The following SLC4A10 variants were observed in gnomAD, a reference collection of about 807,000 sequenced individuals.
SLC4A10 encodes sodium-driven chloride bicarbonate exchanger.
In SLC4A10, 42 loss-of-function variants were observed where a neutral mutation model predicts 137.7. The observed-to-expected ratio is 0.30, with a 90% CI of 0.24 to 0.39. The LOEUF (loss-of-function observed/expected upper bound fraction) is 0.39. Among genes scored for constraint, SLC4A10 ranks in the 10% least tolerant of loss-of-function variants. The pLI is 1.00. For missense variants in SLC4A10, 925 were observed against 1,355.0 expected, an observed-to-expected ratio of 0.68 and a Z score of 4.98; for synonymous variants, 474 against 464.1, an observed-to-expected ratio of 1.02 and a Z score of -0.27.
intron 3 of SLC4A10, among the ~76,000 whole-genome samples, chr2:161,808,009 G>C (rs938059580): frequency 6.6e-6 from 1 of 151,972 alleles, no homozygotes. Flanking sequence ...TTGCTCTACA[G>C]TTAATTTGGA....
At chr2:161,763,300 G>A (rs555425391) in intron 1 of SLC4A10, among the ~76,000 whole-genome samples, 3 of 152,104 alleles carry the variant, frequency 2.0e-5, no homozygotes, top group African/African-American at 7.2e-5. Context: ...ACAATTTGGA[G>A]CCATGGAGTT....
rs956436141 is a variant in SLC4A10, at chr2:161,984,911, T to G, written c.*1759T>G. 3 of 152,072 alleles carry G rather than the reference T, an allele frequency of 2.0e-5. No individual in the cohort carries two copies. The highest frequency in any genetic ancestry group is 7.2e-5 in the African/African-American group (3 of 41,452). 9.4% of individuals were successfully genotyped at this position (152,072 alleles called of 1,614,324 possible). On this transcript the variant is annotated 3_prime_UTR_variant, in exon 27 of 27. Coordinates refer to ENST00000446997, the MANE Select transcript of SLC4A10 (RefSeq NM_001178015.2). ...TGTTTTAATATATTAATAACTGTTT[T>G]GTTAAAAATGATCATAGTGAATTTA... is the stretch of plus-strand genomic sequence containing the variant.
chr2:161,680,918 G>T (rs2040785921), intron 1 of SLC4A10, among the ~76,000 whole-genome samples: 1 of 152,070 alleles, frequency 6.6e-6, no homozygotes, highest in Non-Finnish European at 1.5e-5. Flanking sequence ...TAATGACAGT[G>T]CAGTTACAGA....
At chr2:161,961,263 A>T (rs981488020) in intron 21 of SLC4A10, among the ~76,000 whole-genome samples, 1 of 152,166 alleles carries the variant, frequency 6.6e-6, no homozygotes, top group Non-Finnish European at 1.5e-5. Context: ...AGGCCTTAAG[A>T]CAATACTGGC....
chr2:161,639,903 C>CTAGAACATAA (rs2035033295), intron 1 of SLC4A10, among the ~76,000 whole-genome samples: 1 of 152,064 alleles, frequency 6.6e-6, no homozygotes, highest in Non-Finnish European at 1.5e-5. Flanking sequence ...ACTGTTAGAG[C>CTAGAACATAA]TAGAACATAA....
chr2:161,770,550 A>G (rs756854211), intron 1 of SLC4A10, among the ~76,000 whole-genome samples: 2 of 152,014 alleles, frequency 1.3e-5, no homozygotes, highest in Middle Eastern at 3.4e-3. Flanking sequence ...TGACAGTGGA[A>G]TTATTTTACC....
intron 20 of SLC4A10, among the ~76,000 whole-genome samples, chr2:161,958,082 T>A (rs892076314): frequency 2.8e-5 from 4 of 142,600 alleles, no homozygotes; most frequent in African/African-American, 1.0e-4. Context: ...AGGAAACACA[T>A]CTAAATGTTA....
At chr2:161,905,466 GC>G (rs1684142632) in intron 14 of SLC4A10, among the ~76,000 whole-genome samples, 175 bp from the exon 15 acceptor site, 3 of 152,194 alleles carry the variant, frequency 2.0e-5, no homozygotes, top group Admixed American at 2.0e-4. Flanking sequence ...TTCATAACAG[GC>G]CATGGACCAG....
intron 4 of SLC4A10, among the ~76,000 whole-genome samples, chr2:161,851,367 G>C (rs752392306): frequency 4.6e-5 from 7 of 152,110 alleles, no homozygotes; most frequent in Non-Finnish European, 1.0e-4. Flanking sequence ...AAGTCTCTAA[G>C]AACTTGTTTT....
chr2:161,747,138 A>G (rs924115606), intron 1 of SLC4A10, among the ~76,000 whole-genome samples: 4 of 152,080 alleles, frequency 2.6e-5, no homozygotes, highest in Admixed American at 2.0e-4. Flanking sequence ...TTGCTTAGGA[A>G]TTGCAGCCCT....
At chr2:161,817,054 C>A (rs1193693237) in intron 3 of SLC4A10, among the ~76,000 whole-genome samples, 2 of 152,194 alleles carry the variant, frequency 1.3e-5, no homozygotes, top group Non-Finnish European at 2.9e-5. Flanking sequence ...GGAATCGCCA[C>A]ACTGACTTTC....
At chr2:161,824,500 T>C (rs759949836) in intron 3 of SLC4A10, among the ~76,000 whole-genome samples, 21 of 151,806 alleles carry the variant, frequency 1.4e-4, no homozygotes, top group Non-Finnish European at 2.6e-4. Flanking sequence ...AAGGTGGGGG[T>C]AAAAGGTATC....
chr2:161,678,658 A>G (rs2040520642), intron 1 of SLC4A10, among the ~76,000 whole-genome samples: 1 of 152,028 alleles, frequency 6.6e-6, no homozygotes, highest in South Asian at 2.1e-4. Context: ...CATTATTCCA[A>G]TGTCTATTAC....
At chr2:161,714,504 A>G (rs540478814) in intron 1 of SLC4A10, among the ~76,000 whole-genome samples, 5 of 152,086 alleles carry the variant, frequency 3.3e-5, no homozygotes, top group Non-Finnish European at 2.9e-5. Context: ...TTCCTCCATG[A>G]AACTACTCTT....
In SLC4A10 at chr2:161,627,975, C is replaced by A. The variant is rs148751116; in HGVS notation, c.48+3409C>A. Reference sequence around the variant, plus strand: ...TAACTTTTTAAGAGACTGCTGCTTTCTCTTCAAAATATTTAATAATTGTTA... The same window carrying A: ...TAACTTTTTAAGAGACTGCTGCTTTATCTTCAAAATATTTAATAATTGTTA... On this transcript the variant is annotated intron_variant, in intron 1 of 26. Transcript: ENST00000446997. Among the ~76,000 whole-genome samples the A allele has an allele frequency of 3.9e-5, 6 of 152,190 alleles. No individual in the cohort carries two copies. The East Asian group carries it at 1.2e-3, about 29-fold the overall frequency.
intron 1 of SLC4A10, among the ~76,000 whole-genome samples, chr2:161,707,407 T>C (rs1248144716): frequency 6.6e-6 from 1 of 151,356 alleles, no homozygotes; most frequent in Non-Finnish European, 1.5e-5. Context: ...TTCAGGATAA[T>C]ATGTTGCACT....
At chr2:161,801,657 C>G (rs1227857103) in intron 2 of SLC4A10, among the ~76,000 whole-genome samples, 1 of 152,016 alleles carries the variant, frequency 6.6e-6, no homozygotes, top group African/African-American at 2.4e-5. Context: ...TATTACTTCC[C>G]CAAATTCCCT....
Position 161,863,042 on chromosome 2 carries a change from C to A in SLC4A10, c.746C>A (p.Pro249Gln), listed in dbSNP as rs759282717. 6.8e-6 allele frequency: 11 copies of A among 1,613,736 alleles called. No homozygotes were observed. Among genetic ancestry groups the A allele is most frequent in the Non-Finnish European group, 8.5e-6 (10 of 1,179,732 alleles). ...FADIGKKQSEPNSMDKNAGQV... is the reference protein window; with the variant it reads ...FADIGKKQSEQNSMDKNAGQV... Reference sequence around the variant, plus strand: ...GATATTGGCAAGAAACAGTCAGAACCAAATTCCATGGACAAAAATGGTAAA... The same window carrying A: ...GATATTGGCAAGAAACAGTCAGAACAAAATTCCATGGACAAAAATGGTAAA... Residue 249 changes from proline to glutamine, a missense_variant, in exon 6 of 27, where the codon CCA becomes CAA. Pro to Gln is a moderately conservative substitution (Grantham distance 76). Around this residue, in one of 11 missense-constraint regions of SLC4A10, gnomAD observed 277 missense variants for 306.1 expected, o/e 0.90. Transcript: ENST00000446997.
At chr2:161,903,770 A>T (rs1683672461) in intron 12 of SLC4A10, among the ~76,000 whole-genome samples, 1 of 152,172 alleles carries the variant, frequency 6.6e-6, no homozygotes, top group Admixed American at 6.5e-5. Context: ...CTTGTTTAAG[A>T]GAACCTGGGA....
Sources: gnomAD v4.1 joint callset for allele counts (sites outside exome capture counted in the v4.1 genomes callset) on GRCh38, gnomAD v4.1.1 for gene constraint, gnomAD v4.1.1 regional missense constraint, MANE v1.5 for transcripts, NCBI Gene and HGNC (gene_info 2026-07-23, HGNC 2026-07-21) for gene names.